The following WDFY3 variants were observed in gnomAD, a reference collection of about 807,000 sequenced individuals.
WDFY3 encodes WD repeat and FYVE domain containing 3, also known as WD repeat and FYVE domain-containing protein 3.
Under a neutral mutation model 409.6 loss-of-function variants are expected in WDFY3, and 66 were observed. The observed-to-expected ratio is 0.16, with a 90% CI of 0.13 to 0.20. The LOEUF (loss-of-function observed/expected upper bound fraction) is 0.20. WDFY3 is among the 10% of genes least tolerant of loss of function. The probability of loss-of-function intolerance (pLI) is 1.00; values close to 1 mark genes in which losing one functional copy is unlikely to be tolerated. For synonymous variants in WDFY3, 1,521 were observed against 1,537.1 expected (o/e 0.99, Z 0.25); for missense variants, 3,031 against 4,298.1 (o/e 0.71, Z 8.24).
chr4:84,931,393 C>G (rs190283702), intron 2 of WDFY3, among the ~76,000 whole-genome samples: 3 of 152,270 alleles, frequency 2.0e-5, no homozygotes, highest in Admixed American at 2.0e-4. Flanking sequence ...CTTAGTTAGC[C>G]TTTCTTTGGG....
chr4:84,819,502 T>C (rs1036904769), intron 12 of WDFY3, among the ~76,000 whole-genome samples: 1 of 152,118 alleles, frequency 6.6e-6, no homozygotes, highest in Non-Finnish European at 1.5e-5. Flanking sequence ...AGTTGTTTGA[T>C]GTTAATTAAA....
At position 84,948,407 on chromosome 4, in the gene WDFY3, C is replaced by T. The variant is rs1415818635; in HGVS notation, c.-225-16044G>A. Among the ~76,000 whole-genome samples the T allele has an allele frequency of 3.3e-5, 5 of 151,890 alleles. No homozygotes were observed. The South Asian group carries it at 1.0e-3, about 32-fold the overall frequency. On this transcript the variant is annotated intron_variant, in intron 1 of 67. Transcript: ENST00000295888. ...TAAAGCAGACTAAATGATTACTGAT[C>T]AACAATACTTAATAGTATATAGAAA...
chr4:84,731,686 T>G (rs924432115), intron 44 of WDFY3, among the ~76,000 whole-genome samples: 3 of 152,236 alleles, frequency 2.0e-5, no homozygotes, highest in African/African-American at 7.2e-5. Context: ...ATACTACGGT[T>G]GTAGATGTGA....
intron 6 of WDFY3, among the ~76,000 whole-genome samples, chr4:84,840,696 G>A (rs1033033244): frequency 6.6e-6 from 1 of 151,558 alleles, no homozygotes; most frequent in Admixed American, 6.6e-5. Context: ...TCTTGCCTCA[G>A]CCTCTGAACA....
At chr4:84,685,487 A>AT (rs1265271879) in intron 62 of WDFY3, among the ~76,000 whole-genome samples, 4 of 152,236 alleles carry the variant, frequency 2.6e-5, no homozygotes, top group Non-Finnish European at 5.9e-5. Flanking sequence ...ATTTCTGACT[A>AT]TAAGTGTCAG....
intron 1 of WDFY3, among the ~76,000 whole-genome samples, chr4:84,957,936 T>C (rs987939661): frequency 2.0e-5 from 3 of 152,166 alleles, no homozygotes; most frequent in Non-Finnish European, 4.4e-5. Context: ...AAAACAGAAG[T>C]GTGAATGAGC....
intron 55 of WDFY3, among the ~76,000 whole-genome samples, chr4:84,703,041 G>A (rs979937151): frequency 2.6e-5 from 4 of 151,618 alleles, no homozygotes; most frequent in Admixed American, 6.6e-5. Flanking sequence ...AGCCTGCAGT[G>A]AGCCGAGATC....
chr4:84,879,070 G>T (rs575088634), intron 3 of WDFY3, among the ~76,000 whole-genome samples: 6 of 152,206 alleles, frequency 3.9e-5, no homozygotes, highest in African/African-American at 1.4e-4. Flanking sequence ...TGGCTGCAAT[G>T]GACTAGAGAC....
At position 84,789,920 on chromosome 4, in the gene WDFY3, G is replaced by C; in HGVS notation, c.3488-13C>G. On this transcript the variant is annotated splice_polypyrimidine_tract_variant and intron_variant, in intron 21 of 67. Coordinates refer to ENST00000295888, the MANE Select transcript of WDFY3 (RefSeq NM_014991.6). ...CTAAAATCATCAACTGAAATAAAGGGGGGAAGACATAAAAACTTTTTCCAA... is the reference window on the plus strand; with the variant it reads ...CTAAAATCATCAACTGAAATAAAGGCGGGAAGACATAAAAACTTTTTCCAA... The C allele has an allele frequency of 1.2e-6, 2 of 1,612,918 alleles. No homozygotes were observed. The highest frequency in any genetic ancestry group is 1.7e-6 in the Non-Finnish European group (2 of 1,179,410).
At chr4:84,932,021 T>G (rs1770827117) in intron 2 of WDFY3, among the ~76,000 whole-genome samples, 1 of 152,186 alleles carries the variant, frequency 6.6e-6, no homozygotes, top group Admixed American at 6.5e-5. Flanking sequence ...AAAGTAATAT[T>G]GATTTAAAGC....
chr4:84,758,098 A>C (rs147598572), intron 32 of WDFY3, among the ~76,000 whole-genome samples: 48 of 152,320 alleles, frequency 3.2e-4, no homozygotes, highest in African/African-American at 1.1e-3. Flanking sequence ...ATACACCCTA[A>C]GCATGTGGTT....
At chr4:84,792,683 T>C (rs953235669) in intron 21 of WDFY3, among the ~76,000 whole-genome samples, 1 of 152,190 alleles carries the variant, frequency 6.6e-6, no homozygotes, top group Non-Finnish European at 1.5e-5. Flanking sequence ...GCAAATTACA[T>C]TTAGTAATAA....
chr4:84,929,910 T>TA (rs75325995), intron 2 of WDFY3, among the ~76,000 whole-genome samples: 56 of 140,254 alleles, frequency 4.0e-4, no homozygotes, highest in Admixed American at 1.0e-3. Context: ...AAACTTCGCT[T>TA]AAAAAAAAAA....
intron 3 of WDFY3, among the ~76,000 whole-genome samples, chr4:84,894,382 G>C (rs1765336447): frequency 6.6e-6 from 1 of 152,130 alleles, no homozygotes; most frequent in African/African-American, 2.4e-5. Flanking sequence ...CTCTTGGCCA[G>C]GTGCAGGGGC....
intron 44 of WDFY3, among the ~76,000 whole-genome samples, chr4:84,731,290 A>C (rs1276959089): frequency 1.3e-5 from 2 of 152,172 alleles, no homozygotes; most frequent in African/African-American, 4.8e-5. Flanking sequence ...CCACTTTTTG[A>C]AAATTTGTTT....
intron 3 of WDFY3, among the ~76,000 whole-genome samples, chr4:84,890,647 C>T (rs1764826212): frequency 6.6e-6 from 1 of 152,090 alleles, no homozygotes; most frequent in African/African-American, 2.4e-5. Context: ...GTTCTAGAGC[C>T]GGGGTTGAGA....
In WDFY3 at chr4:84,801,821, G is replaced by A. The variant is rs749179196; in HGVS notation, c.2651C>T (p.Ser884Phe). 1.9e-6 allele frequency: 3 copies of A among 1,614,162 alleles called. No individual in the cohort carries two copies. The highest frequency in any genetic ancestry group is 2.2e-5 in the South Asian group (2 of 91,088). ...LQLAVANILQ[S>F]LVHTERNQQV... Reference sequence around the variant, plus strand: ...CTGGTTCCTTTCTGTGTGCACCAGGGATTGTAAAATATTTGCCACGGCAAG... The same window carrying A: ...CTGGTTCCTTTCTGTGTGCACCAGGAATTGTAAAATATTTGCCACGGCAAG... Residue 884 changes from serine to phenylalanine, a missense_variant, in exon 17 of 68, where the codon TCC becomes TTC. Ser to Phe is a radical substitution (Grantham distance 155). This residue lies in a region of WDFY3 where 1,322 missense variants were observed against 1,697.9 expected (regional missense o/e 0.78). Transcript: ENST00000295888.
chr4:84,862,249 T>C (rs1760745404), intron 3 of WDFY3, among the ~76,000 whole-genome samples: 1 of 152,120 alleles, frequency 6.6e-6, no homozygotes, highest in East Asian at 1.9e-4. Flanking sequence ...GTCAGACAAA[T>C]TCTGCCTAGA....
At chr4:84,930,517 C>T (rs1486908828) in intron 2 of WDFY3, among the ~76,000 whole-genome samples, 4 of 152,090 alleles carry the variant, frequency 2.6e-5, no homozygotes, top group Non-Finnish European at 4.4e-5. Context: ...TAGTACGTGG[C>T]GATGCCGGAT....
Sources: gnomAD v4.1 joint callset for allele counts (sites outside exome capture counted in the v4.1 genomes callset) on GRCh38, gnomAD v4.1.1 for gene constraint, gnomAD v4.1.1 regional missense constraint, MANE v1.5 for transcripts, NCBI Gene and HGNC (gene_info 2026-07-23, HGNC 2026-07-21) for gene names.